CSMD1: variants seen among roughly 807,000 people sequenced by gnomAD.
CSMD1 encodes CUB and Sushi multiple domains 1, also known as CUB and sushi domain-containing protein 1.
CSMD1 carries 213 observed loss-of-function variants against 417.5 expected under a neutral mutation model. The ratio of observed to expected loss-of-function variants is 0.51; its 90% CI spans 0.46 to 0.57. The LOEUF (loss-of-function observed/expected upper bound fraction) is 0.57. Ranked by LOEUF, CSMD1 falls within the 20% of genes least tolerant of loss-of-function variation. CSMD1 has a pLI of 0.00. For synonymous variants in CSMD1, 2,862 were observed against 1,736.8 expected, an observed-to-expected ratio of 1.65 and a Z score of -16.11; for missense variants, 6,923 against 4,529.7, an observed-to-expected ratio of 1.53 and a Z score of -15.17.
At chr8:4,559,420 T>C (rs1798231350) in intron 2 of CSMD1, among the ~76,000 whole-genome samples, 1 of 152,178 alleles carries the variant, frequency 6.6e-6, no homozygotes, top group South Asian at 2.1e-4. Flanking sequence ...AACCATGGCA[T>C]TTGGAGGCTT....
At chr8:3,254,651 A>C (rs538371557) in intron 26 of CSMD1, among the ~76,000 whole-genome samples, 1 of 152,186 alleles carries the variant, frequency 6.6e-6, no homozygotes, top group South Asian at 2.1e-4. Context: ...CCTTTCTTCT[A>C]GTTGACCGAA....
rs376305274 is a variant in CSMD1 at position 4,671,150 on chromosome 8, G to C, written c.86-33592C>G. Reference sequence around the variant, plus strand: ...CAGTATTCTCTCTTCAAATCCTGCGGCATGATTTATGTACCTATGATGCTT... The same window carrying C: ...CAGTATTCTCTCTTCAAATCCTGCGCCATGATTTATGTACCTATGATGCTT... On this transcript the variant is annotated intron_variant, in intron 1 of 69. Coordinates refer to ENST00000635120, the MANE Select transcript of CSMD1 (RefSeq NM_033225.6). Among the ~76,000 whole-genome samples, 4 of 152,284 alleles carry C rather than the reference G, an allele frequency of 2.6e-5. No homozygotes were observed. In the East Asian group the frequency reaches 7.7e-4, roughly 29 times the overall value.
intron 1 of CSMD1, among the ~76,000 whole-genome samples, chr8:4,686,796 T>C (rs1806412353): frequency 6.6e-6 from 1 of 152,138 alleles, no homozygotes; most frequent in Non-Finnish European, 1.5e-5. Context: ...CAGAGACCCA[T>C]TTGAAAGGTT....
chr8:3,234,676 C>T (rs776443923), intron 26 of CSMD1, among the ~76,000 whole-genome samples: 2 of 152,138 alleles, frequency 1.3e-5, no homozygotes, highest in Non-Finnish European at 2.9e-5. Context: ...CAGAGGAAGG[C>T]AGGATAGATG....
intron 2 of CSMD1, among the ~76,000 whole-genome samples, chr8:4,426,557 CTATAG>C (rs1157698975): frequency 2.7e-5 from 4 of 145,924 alleles, no homozygotes; most frequent in Non-Finnish European, 4.5e-5. Context: ...AGGATATTTA[CTATAG>C]TATAGTATAT....
chr8:3,170,758 G>T (rs972242985), intron 37 of CSMD1, among the ~76,000 whole-genome samples: 2 of 152,210 alleles, frequency 1.3e-5, no homozygotes, highest in African/African-American at 2.4e-5. Flanking sequence ...AGTGAACTGT[G>T]TAAGTTTGTA....
intron 25 of CSMD1, among the ~76,000 whole-genome samples, chr8:3,306,296 C>G (rs1238054459): frequency 4.6e-5 from 7 of 152,164 alleles, no homozygotes; most frequent in Non-Finnish European, 1.0e-4. Context: ...GCCTCAGTAT[C>G]CTGAGTAGCT....
intron 1 of CSMD1, among the ~76,000 whole-genome samples, chr8:4,928,118 T>C (rs551940499): frequency 6.6e-6 from 1 of 152,228 alleles, no homozygotes; most frequent in African/African-American, 2.4e-5. Flanking sequence ...CCCACTTTGC[T>C]ATTCCACCCC....
intron 12 of CSMD1, among the ~76,000 whole-genome samples, chr8:3,466,488 C>T (rs974148930): frequency 6.6e-6 from 1 of 151,894 alleles, no homozygotes; most frequent in Non-Finnish European, 1.5e-5. Context: ...TGGCTCACTG[C>T]AAGCTCCACT....
chr8:4,254,564 T>C (rs920519851), intron 3 of CSMD1, among the ~76,000 whole-genome samples: 3 of 152,200 alleles, frequency 2.0e-5, no homozygotes, highest in African/African-American at 4.8e-5. Flanking sequence ...TGTACAGTCA[T>C]GTCCTAAGCC....
chr8:3,829,432 G>A (rs1406394846), intron 5 of CSMD1, among the ~76,000 whole-genome samples: 3 of 152,108 alleles, frequency 2.0e-5, no homozygotes, highest in Non-Finnish European at 2.9e-5. Flanking sequence ...AGTCAATACC[G>A]GTTCCACATG....
chr8:4,316,887 G>C (rs1187438839), intron 3 of CSMD1, among the ~76,000 whole-genome samples: 2 of 152,092 alleles, frequency 1.3e-5, no homozygotes, highest in Non-Finnish European at 2.9e-5. Context: ...CCAAATCTTG[G>C]GGTGGGGGAA....
At chr8:3,755,633 C>T (rs1006234221) in intron 5 of CSMD1, among the ~76,000 whole-genome samples, 2 of 152,060 alleles carry the variant, frequency 1.3e-5, no homozygotes, top group Non-Finnish European at 2.9e-5. Flanking sequence ...CATTTCCCTA[C>T]TTATTCTATT....
intron 5 of CSMD1, among the ~76,000 whole-genome samples, chr8:3,913,036 C>A (rs187255368): frequency 5.3e-5 from 8 of 152,126 alleles, no homozygotes; most frequent in African/African-American, 1.7e-4. Flanking sequence ...TGGAGAGAAT[C>A]GTGACTTTAG....
intron 2 of CSMD1, among the ~76,000 whole-genome samples, chr8:4,450,396 G>A (rs543777316): frequency 1.3e-5 from 2 of 152,256 alleles, no homozygotes; most frequent in Admixed American, 6.5e-5. Context: ...GGAAGGCTGA[G>A]GCAGGCGGAT....
chr8:4,762,586 C>T (rs563623497), intron 1 of CSMD1, among the ~76,000 whole-genome samples: 2 of 152,188 alleles, frequency 1.3e-5, no homozygotes, highest in South Asian at 4.1e-4. Context: ...CAGGAAGAAC[C>T]AGTGCATCCC....
intron 3 of CSMD1, among the ~76,000 whole-genome samples, chr8:4,053,039 C>G (rs1332979260): frequency 6.6e-6 from 1 of 152,122 alleles, no homozygotes; most frequent in Non-Finnish European, 1.5e-5. Flanking sequence ...ATTGGTACCT[C>G]TAACCAGAGG....
rs186340819 is a variant in CSMD1 at position 4,277,634 on chromosome 8, A to T, written c.415+142319T>A. Among the ~76,000 whole-genome samples, 739 of 152,346 alleles carry T rather than the reference A, an allele frequency of 4.9e-3. 5 individuals are homozygous for T. The highest frequency in any genetic ancestry group is 0.021 in the South Asian group (100 of 4,830). ...TCTCATACTTCCCTTTCTCACAAGGATATGCAGAAACAACCTGTTTGTATC... is the reference window on the plus strand; with the variant it reads ...TCTCATACTTCCCTTTCTCACAAGGTTATGCAGAAACAACCTGTTTGTATC... On this transcript the variant is annotated intron_variant, in intron 3 of 69. Transcript: ENST00000635120.
At chr8:4,456,960 G>A (rs1285198096) in intron 2 of CSMD1, among the ~76,000 whole-genome samples, 1 of 134,444 alleles carries the variant, frequency 7.4e-6, no homozygotes, top group Non-Finnish European at 1.6e-5. Flanking sequence ...ATTTACAAGA[G>A]ATTTTGATGA....
Sources: allele counts gnomAD v4.1 joint callset (sites outside exome capture counted in the v4.1 genomes callset), GRCh38; gene constraint gnomAD v4.1.1; transcripts MANE v1.5; gene names NCBI Gene and HGNC (gene_info 2026-07-23, HGNC 2026-07-21).